MIOS: variants seen among roughly 807,000 people sequenced by gnomAD.
The protein encoded by MIOS is meiosis regulator for oocyte development.
MIOS carries 52 observed loss-of-function variants against 96.9 expected under a neutral mutation model. The observed-to-expected ratio is 0.54, with a 90% CI of 0.43 to 0.68. MIOS has a LOEUF of 0.68. MIOS is among the 30% of genes least tolerant of loss of function. The pLI is 0.00. For synonymous variants in MIOS, 397 were observed against 359.5 expected (o/e 1.10, Z -1.18); for missense variants, 1,005 against 1,052.8 (o/e 0.95, Z 0.63).
At position 7,583,363 on chromosome 7, in the gene MIOS, T is replaced by C; in HGVS notation, c.1639T>C (p.Ser547Pro). Residue 547 changes from serine (S) to proline (P), a missense_variant, in exon 6 of 13, where the codon TCT becomes CCT. Transcript: ENST00000340080. Reference protein sequence around the residue: ...AIQILNEGASSEKGDLNLNVV... With the variant: ...AIQILNEGASPEKGDLNLNVV... ...CCAAATCCTGAATGAAGGGGCATCT[T>C]CTGAAAAAGGTATTAGGTTATAAAC... The C allele has an allele frequency of 6.2e-7, 1 of 1,603,232 alleles. No individual in the cohort carries two copies. The highest frequency in any genetic ancestry group is 2.2e-5 in the East Asian group (1 of 44,710).
At position 7,595,106 on chromosome 7, in the gene MIOS, G is replaced by T. The variant is rs1472145731; in HGVS notation, c.2170G>T (p.Asp724Tyr). 1 of 1,613,456 alleles carries T rather than the reference G, an allele frequency of 6.2e-7. No homozygotes were observed. Among genetic ancestry groups the T allele is most frequent in the Admixed American group, 1.7e-5 (1 of 59,882 alleles). The change falls in exon 10 of 13, where the codon GAT becomes TAT. Residue 724 changes from aspartate (D) to tyrosine (Y), a missense_variant. By Grantham distance (160) the Asp-to-Tyr change is radical (BLOSUM62 -3). Around this residue, in one of 3 missense-constraint regions of MIOS, gnomAD observed 865 missense variants for 887.9 expected, o/e 0.97. Coordinates refer to ENST00000340080, the MANE Select transcript of MIOS (RefSeq NM_019005.4). ...AEFDIHRSKL[D>Y]PSSKPLAQVF... is the part of the protein sequence containing the mutation. ...ATTTGATATTCACAGGAGTAAGTTG[G>T]ATCCCAGTTCCAAGCCTTTAGCACA...
At chr7:7,597,681 G>T (rs1010091879) in intron 11 of MIOS, among the ~76,000 whole-genome samples, 1 of 150,970 alleles carries the variant, frequency 6.6e-6, no homozygotes, top group Admixed American at 6.6e-5. Flanking sequence ...CACACACACA[G>T]TGTTCGTTTT....
At chr7:7,574,532 C>T (rs963615668) in intron 5 of MIOS, among the ~76,000 whole-genome samples, 4 of 152,012 alleles carry the variant, frequency 2.6e-5, no homozygotes, top group African/African-American at 7.2e-5. Flanking sequence ...CAGGTTTTAT[C>T]GCAACATTTT....
At chr7:7,589,653 C>G in intron 9 of MIOS, 90 bp downstream of exon 9, 3 of 1,402,276 alleles carry the variant, frequency 2.1e-6, no homozygotes, top group Non-Finnish European at 2.9e-6. Flanking sequence ...CTTTTGCTTG[C>G]TTAGGATCTT....
chr7:7,604,273 G>A (rs1372905756), intron 11 of MIOS, among the ~76,000 whole-genome samples: 1 of 151,952 alleles, frequency 6.6e-6, no homozygotes, highest in Non-Finnish European at 1.5e-5. Flanking sequence ...CCTCCCTGGT[G>A]CTTTGCCTGC....
chr7:7,575,516 T>G (rs1255113785), intron 5 of MIOS, among the ~76,000 whole-genome samples: 1 of 152,150 alleles, frequency 6.6e-6, no homozygotes, highest in Non-Finnish European at 1.5e-5. Flanking sequence ...CATACTGTTT[T>G]ACTCCCACAA....
At chr7:7,585,418 T>C (rs867659664) in intron 6 of MIOS, among the ~76,000 whole-genome samples, 12,173 of 98,448 alleles carry the variant, frequency 0.12, 560 homozygotes, top group Middle Eastern at 0.27. Context: ...ACCCCCCCCT[T>C]TTTTTTTTTT....
chr7:7,589,727 TC>T (rs553679259), intron 9 of MIOS, among the ~76,000 whole-genome samples, 164 bp downstream of exon 9: 1 of 152,220 alleles, frequency 6.6e-6, no homozygotes, highest in South Asian at 2.1e-4. Flanking sequence ...TATCTTACTG[TC>T]CCTAAGCCTC....
intron 9 of MIOS, among the ~76,000 whole-genome samples, chr7:7,593,828 G>A (rs1442242943): frequency 3.6e-5 from 5 of 140,332 alleles, no homozygotes; most frequent in South Asian, 2.3e-4. Context: ...GCAGTGAGCC[G>A]AGATCGTGCC....
chr7:7,579,611 CCA>C (rs1485235345), intron 5 of MIOS, among the ~76,000 whole-genome samples: 1 of 152,090 alleles, frequency 6.6e-6, no homozygotes, highest in Non-Finnish European at 1.5e-5. Context: ...TTGTCTTGGG[CCA>C]CACATAAAAT....
chr7:7,598,617 G>A (rs1477423489), intron 11 of MIOS, among the ~76,000 whole-genome samples: 1 of 152,082 alleles, frequency 6.6e-6, no homozygotes, highest in African/African-American at 2.4e-5. Context: ...AGACATATAT[G>A]TGTATGAACT....
At chr7:7,598,502 A>G (rs1041343725) in intron 11 of MIOS, among the ~76,000 whole-genome samples, 2 of 151,592 alleles carry the variant, frequency 1.3e-5, no homozygotes, top group Admixed American at 1.3e-4. Flanking sequence ...TTTATACATT[A>G]CATACTGATC....
chr7:7,594,862 C>CAAA (rs58139181), intron 9 of MIOS, 118 bp from the exon 10 acceptor site: 135,156 of 372,368 alleles, frequency 0.36, 21,776 homozygotes, highest in Admixed American at 0.55. Flanking sequence ...CAGCTTTTGG[C>CAAA]AAAAAAAAAA....
intron 11 of MIOS, among the ~76,000 whole-genome samples, chr7:7,598,186 G>C (rs1430013110): frequency 2.0e-5 from 3 of 152,206 alleles, no homozygotes; most frequent in Non-Finnish European, 2.9e-5. Context: ...GAACTGGTTA[G>C]AGTGTCAGAA....
chr7:7,575,745 G>A (rs56117647), intron 5 of MIOS, among the ~76,000 whole-genome samples: 3,209 of 152,190 alleles, frequency 0.021, 90 homozygotes, highest in African/African-American at 0.073. Context: ...AATGTAATAT[G>A]TTTATGTTTC....
chr7:7,603,203 A>G lies in MIOS; in HGVS notation c.2402-2739A>G, dbSNP rs558893602. On this transcript the variant is annotated intron_variant, in intron 11 of 12. Coordinates refer to ENST00000340080, the MANE Select transcript of MIOS (RefSeq NM_019005.4). ...CCAAAAGCAATGGCAACAAAAGCCA[A>G]AATTGACAAATGGGATCTAATTAAA... is the stretch of plus-strand genomic sequence containing the variant. Among the ~76,000 whole-genome samples the G allele has an allele frequency of 1.4e-3, 212 of 152,162 alleles. 1 individual carries two copies. Among genetic ancestry groups the G allele is most frequent in the African/African-American group, 5.0e-3 (206 of 41,540 alleles).
chr7:7,593,277 A>G (rs1784101338), intron 9 of MIOS, among the ~76,000 whole-genome samples: 1 of 152,198 alleles, frequency 6.6e-6, no homozygotes, highest in Non-Finnish European at 1.5e-5. Context: ...ATTGTAAGCT[A>G]TGTGTTTCAC....
At chr7:7,575,058 A>G (rs1036085664) in intron 5 of MIOS, among the ~76,000 whole-genome samples, 1 of 152,032 alleles carries the variant, frequency 6.6e-6, no homozygotes, top group African/African-American at 2.4e-5. Context: ...TTTGGACTTC[A>G]GTTTTCAGAT....
chr7:7,590,788 C>T (rs1784024247), intron 9 of MIOS, among the ~76,000 whole-genome samples: 1 of 152,140 alleles, frequency 6.6e-6, no homozygotes, highest in Admixed American at 6.5e-5. Context: ...TCAAAGTCAA[C>T]ATTTTACCCC....
Sources: allele counts gnomAD v4.1 joint callset (sites outside exome capture counted in the v4.1 genomes callset), GRCh38; gene constraint gnomAD v4.1.1; regional missense constraint gnomAD v4.1.1; transcripts MANE v1.5; gene names NCBI Gene and HGNC (gene_info 2026-07-23, HGNC 2026-07-21).